The following C1QTNF6 variants were observed in gnomAD, a reference collection of about 807,000 sequenced individuals.
C1QTNF6 encodes the protein C1q and TNF related 6, also known as complement C1q tumor necrosis factor-related protein 6.
A neutral mutation model predicts 20.7 loss-of-function variants in C1QTNF6; 17 were observed. That is an observed-to-expected ratio of 0.82 (90% CI 0.56 to 1.23). The LOEUF is 1.23. C1QTNF6 is among the 50% of genes most tolerant of loss of function. The probability of loss-of-function intolerance (pLI) is 0.00; values close to 1 mark genes in which losing one functional copy is unlikely to be tolerated. For missense variants in C1QTNF6, 329 were observed against 389.7 expected, an observed-to-expected ratio of 0.84 and a Z score of 1.31; for synonymous variants, 130 against 156.3, an observed-to-expected ratio of 0.83 and a Z score of 1.25.
intron 2 of C1QTNF6, among the ~76,000 whole-genome samples, chr22:37,183,423 C>G (rs748546795): frequency 6.6e-6 from 1 of 152,246 alleles, no homozygotes. Context: ...TGGCCCATCC[C>G]GACCTGCTCT....
chr22:37,190,826 AT>A (rs1471805712), upstream of C1QTNF6: 1 of 152,212 alleles, frequency 6.6e-6, no homozygotes, highest in Non-Finnish European at 1.5e-5. Flanking sequence ...CATATTCCAA[AT>A]TTTGTTTTTG....
chr22:37,196,009 A>C (rs904073419), intron 1 of C1QTNF6: 3 of 152,166 alleles, frequency 2.0e-5, no homozygotes, highest in African/African-American at 7.2e-5. Flanking sequence ...CTGTGACTAA[A>C]AATGCCTAAC....
At chr22:37,186,531 A>G (rs1292615927) in intron 1 of C1QTNF6, among the ~76,000 whole-genome samples, 1 of 152,226 alleles carries the variant, frequency 6.6e-6, no homozygotes, top group Non-Finnish European at 1.5e-5. Flanking sequence ...AAGGATCAGA[A>G]AAGTGTAAGT....
chr22:37,195,684 G>A (rs1481052609), intron 1 of C1QTNF6: 1 of 152,188 alleles, frequency 6.6e-6, no homozygotes, highest in Non-Finnish European at 1.5e-5. Context: ...ACAAAGGGTG[G>A]ATTATTAATC....
At chr22:37,193,440 CAAG>C (rs146301352) in intron 2 of C1QTNF6, among the ~76,000 whole-genome samples, 467 of 149,468 alleles carry the variant, frequency 3.1e-3, no homozygotes, top group African/African-American at 0.011. Context: ...TCAAGAGTGG[CAAG>C]AAGACAAAAT....
chr22:37,190,884 TTG>T (rs1924776733), upstream of C1QTNF6: 1 of 152,202 alleles, frequency 6.6e-6, no homozygotes, highest in Admixed American at 6.5e-5. Flanking sequence ...CTTTACTCAA[TTG>T]TTAAAAGCTG....
chr22:37,188,100 G>A, intron 1 of C1QTNF6, 63 bp downstream of exon 1: 6 of 1,527,200 alleles, frequency 3.9e-6, no homozygotes, highest in South Asian at 3.6e-5. Context: ...AAGCAAGGAG[G>A]GAGGAGAGGA....
upstream of C1QTNF6, chr22:37,198,450 T>C (rs1436852380): frequency 6.6e-6 from 1 of 152,064 alleles, no homozygotes; most frequent in East Asian, 1.9e-4. Flanking sequence ...ATAGGCACAT[T>C]CAGTCAGCGC....
At chr22:37,186,577 G>A (rs546027856) in intron 1 of C1QTNF6, among the ~76,000 whole-genome samples, 3 of 152,344 alleles carry the variant, frequency 2.0e-5, no homozygotes, top group East Asian at 3.9e-4. Flanking sequence ...TGGCCAAGAA[G>A]GGGTCTAGGG....
chr22:37,185,526 G>A, intron 1 of C1QTNF6, 71 bp from the exon 2 acceptor site: 4 of 1,460,960 alleles, frequency 2.7e-6, no homozygotes, highest in Non-Finnish European at 3.6e-6. Flanking sequence ...CCTGGGGTGG[G>A]CGGGTGCTGC....
intron 1 of C1QTNF6, among the ~76,000 whole-genome samples, chr22:37,186,747 A>C (rs1924384532): frequency 6.6e-6 from 1 of 152,140 alleles, no homozygotes; most frequent in Non-Finnish European, 1.5e-5. Flanking sequence ...TTGAAACCAG[A>C]CTGGTTTTTA....
At chr22:37,193,108 G>A (rs1924916249), upstream of C1QTNF6, among the ~76,000 whole-genome samples, 2 of 152,184 alleles carry the variant, frequency 1.3e-5, no homozygotes, top group Admixed American at 1.3e-4. Context: ...ATCCAAAGGT[G>A]CGAAGAGCCA....
At chr22:37,195,949 A>G (rs1447534665) in intron 1 of C1QTNF6, 1 of 152,102 alleles carries the variant, frequency 6.6e-6, no homozygotes, top group African/African-American at 2.4e-5. Context: ...TCAGCAGGGT[A>G]TTTATGACCT....
chr22:37,185,173 C>T (rs1355567415), intron 2 of C1QTNF6, 45 bp downstream of exon 2: 1 of 1,509,606 alleles, frequency 6.6e-7, no homozygotes, highest in Non-Finnish European at 8.9e-7. Flanking sequence ...CCTCAGCTCC[C>T]TGGCCCTCCC....
chr22:37,184,477 C>G lies in C1QTNF6; in HGVS notation c.289+741G>C, dbSNP rs1400649320. On this transcript the variant is annotated intron_variant, in intron 2 of 2. Coordinates refer to ENST00000337843, the MANE Select transcript of C1QTNF6 (RefSeq NM_031910.4). The surrounding 1 kb of genome is among the most constrained non-coding windows in gnomAD (Gnocchi z 4.0). Reference sequence around the variant, plus strand: ...GGTAGCCAGCCCGCACCTGGACGGCCCTCACCTGGATGCCTTTCACCTGGA... The same window carrying G: ...GGTAGCCAGCCCGCACCTGGACGGCGCTCACCTGGATGCCTTTCACCTGGA... 1 of 714,612 alleles carries G rather than the reference C, an allele frequency of 1.4e-6. No homozygotes were observed. The highest frequency in any genetic ancestry group is 1.8e-5 in the African/African-American group (1 of 56,850). 44.3% of individuals were successfully genotyped at this position (714,612 alleles called of 1,614,324 possible).
intron 2 of C1QTNF6, among the ~76,000 whole-genome samples, chr22:37,194,363 A>G (rs1354368810): frequency 6.6e-6 from 1 of 152,202 alleles, no homozygotes; most frequent in East Asian, 1.9e-4. Flanking sequence ...GCCCCCATGA[A>G]TTCTTTTTCG....
Position 37,182,616 on chromosome 22 carries a change from C to A in C1QTNF6, c.409G>T (p.Ala137Ser). The change falls in exon 3 of 3, where the codon GCC becomes TCC. Residue 137 changes from alanine (A) to serine (S), a missense_variant. Ala to Ser is a moderately conservative substitution (Grantham distance 99). Transcript: ENST00000337843. ...GCGAAGAAGCGCTTCTGGCACGGGG[C>A]GCCGGGGCTGCCCATCTCCCCCTTG... ...GDKGEMGSPG[A>S]PCQKRFFAFS... 1 of 1,613,704 alleles carries A rather than the reference C, an allele frequency of 6.2e-7. No individual in the cohort carries two copies. Among genetic ancestry groups the A allele is most frequent in the Non-Finnish European group, 8.5e-7 (1 of 1,180,026 alleles).
upstream of C1QTNF6, chr22:37,199,358 A>T (rs1048270406): frequency 6.6e-6 from 1 of 152,294 alleles, no homozygotes; most frequent in Admixed American, 6.5e-5. Context: ...AGGGACGAGG[A>T]CCTGCCTCTC....
intron 1 of C1QTNF6, among the ~76,000 whole-genome samples, chr22:37,186,677 T>G (rs1924377153): frequency 6.6e-6 from 1 of 152,082 alleles, no homozygotes; most frequent in Admixed American, 6.6e-5. Flanking sequence ...AAAAGACCTT[T>G]GAGGTGGTGC....
Sources: gnomAD v4.1 joint callset for allele counts (sites outside exome capture counted in the v4.1 genomes callset) on GRCh38, gnomAD v4.1.1 for gene constraint, Gnocchi (gnomAD v3.1) non-coding constraint, MANE v1.5 for transcripts, NCBI Gene and HGNC (gene_info 2026-07-23, HGNC 2026-07-21) for gene names.